PTPRR: variants seen among roughly 807,000 people sequenced by gnomAD.
PTPRR encodes the protein protein tyrosine phosphatase receptor type R.
A neutral mutation model predicts 77.2 loss-of-function variants in PTPRR; 38 were observed. That is an observed-to-expected ratio of 0.49 (90% CI 0.38 to 0.65). PTPRR has a LOEUF of 0.65. Among genes scored for constraint, PTPRR ranks in the 30% least tolerant of loss-of-function variants. PTPRR has a pLI of 0.00. For synonymous variants in PTPRR, 299 were observed against 283.1 expected (o/e 1.06, Z -0.57); for missense variants, 744 against 799.2 (o/e 0.93, Z 0.83).
chr12:70,754,284 C>T lies in PTPRR; in HGVS notation c.645G>A (p.Gly215=), dbSNP rs770392435. 5.0e-6 allele frequency: 8 copies of T among 1,613,450 alleles called. No individual in the cohort carries two copies. The highest frequency in any genetic ancestry group is 2.2e-5 in the South Asian group (2 of 91,046). Residue 215 remains glycine (G), a synonymous_variant, in exon 5 of 14, where the codon GGG becomes GGA. Coordinates refer to ENST00000283228, the MANE Select transcript of PTPRR (RefSeq NM_002849.4). ...TCCAGATTTTGTCCGCTTCATGCTG[C>T]CCTTGTAAAACATTTTTCTTTAAAA... ...EVSPEKNVLQ[G]QHEADKIWSK...
At chr12:70,855,728 G>C (rs1892639989) in intron 2 of PTPRR, among the ~76,000 whole-genome samples, 1 of 152,178 alleles carries the variant, frequency 6.6e-6, no homozygotes, top group African/African-American at 2.4e-5. Context: ...TGTGAAAACT[G>C]TTCAGAAACT....
chr12:70,683,355 T>C (rs890454674), intron 10 of PTPRR, among the ~76,000 whole-genome samples: 1 of 152,164 alleles, frequency 6.6e-6, no homozygotes, highest in African/African-American at 2.4e-5. Context: ...CAATTGTATT[T>C]TTATAATGCA....
chr12:70,740,613 C>T (rs1293813881), intron 6 of PTPRR, among the ~76,000 whole-genome samples: 1 of 151,916 alleles, frequency 6.6e-6, no homozygotes, highest in Non-Finnish European at 1.5e-5. Flanking sequence ...GTTAAGCAAT[C>T]CATTTAGTCT....
chr12:70,866,574 T>G (rs1161988762), intron 2 of PTPRR, among the ~76,000 whole-genome samples: 4 of 152,122 alleles, frequency 2.6e-5, no homozygotes, highest in African/African-American at 7.2e-5. Flanking sequence ...CAGGACCAGA[T>G]GGATTCACAG....
intron 2 of PTPRR, among the ~76,000 whole-genome samples, chr12:70,820,366 G>A (rs1398288565): frequency 6.6e-6 from 1 of 152,100 alleles, no homozygotes; most frequent in East Asian, 1.9e-4. Flanking sequence ...GTCTCACTCT[G>A]TCGCCCAGGC....
At chr12:70,820,277 C>G (rs2137039348) in intron 2 of PTPRR, among the ~76,000 whole-genome samples, 1 of 152,276 alleles carries the variant, frequency 6.6e-6, no homozygotes, top group East Asian at 1.9e-4. Context: ...TGATTCCTAA[C>G]AGAGACTCTC....
At chr12:70,912,430 G>GTCTTC (rs1017637442) in intron 1 of PTPRR, among the ~76,000 whole-genome samples, 1 of 152,086 alleles carries the variant, frequency 6.6e-6, no homozygotes, top group Non-Finnish European at 1.5e-5. Flanking sequence ...CCTGAGGCCA[G>GTCTTC]TCTTCTCATT....
At chr12:70,842,772 C>T (rs1284204638) in intron 2 of PTPRR, among the ~76,000 whole-genome samples, 1 of 152,200 alleles carries the variant, frequency 6.6e-6, no homozygotes, top group Non-Finnish European at 1.5e-5. Flanking sequence ...AAAGATTCAT[C>T]TTCCAAAATA....
At chr12:70,696,771 A>T (rs923916832) in intron 8 of PTPRR, among the ~76,000 whole-genome samples, 2 of 152,120 alleles carry the variant, frequency 1.3e-5, no homozygotes, top group African/African-American at 4.8e-5. Context: ...GTCATTCTCC[A>T]TATCCCCTAA....
chr12:70,749,293 C>G (rs1213388926), intron 5 of PTPRR, among the ~76,000 whole-genome samples: 1 of 152,094 alleles, frequency 6.6e-6, no homozygotes, highest in African/African-American at 2.4e-5. Flanking sequence ...CTCTGCCACC[C>G]CCATATCCAC....
At chr12:70,899,254 A>T (rs935941594) in intron 1 of PTPRR, among the ~76,000 whole-genome samples, 13 of 151,444 alleles carry the variant, frequency 8.6e-5, no homozygotes, top group Non-Finnish European at 3.0e-5. Flanking sequence ...AAAAGCAGAT[A>T]GAGACAATCC....
At chr12:70,669,502 GAGCTATATATATATATA>G (rs1476926326) in intron 10 of PTPRR, among the ~76,000 whole-genome samples, 14 of 122,638 alleles carry the variant, frequency 1.1e-4, no homozygotes, top group South Asian at 2.7e-4. Context: ...ATATATATAC[GAGCTATATATATATATA>G]AGCTATATAT....
At chr12:70,870,811 A>G (rs957445472) in intron 2 of PTPRR, among the ~76,000 whole-genome samples, 4 of 152,234 alleles carry the variant, frequency 2.6e-5, no homozygotes, top group Admixed American at 6.5e-5. Context: ...GATGCACAGT[A>G]ACATTTTGAC....
intron 2 of PTPRR, among the ~76,000 whole-genome samples, chr12:70,861,304 G>A (rs942139944): frequency 2.6e-5 from 4 of 152,082 alleles, no homozygotes; most frequent in Non-Finnish European, 5.9e-5. Flanking sequence ...ATCTGTTAAT[G>A]TAATGGTTAA....
At chr12:70,773,110 G>A (rs919394190) in intron 2 of PTPRR, among the ~76,000 whole-genome samples, 7 of 152,022 alleles carry the variant, frequency 4.6e-5, no homozygotes, top group South Asian at 2.1e-4. Flanking sequence ...GTGTCTTCAC[G>A]TCTTCCCTCT....
At chr12:70,844,714 G>C (rs185575227) in intron 2 of PTPRR, among the ~76,000 whole-genome samples, 3 of 152,134 alleles carry the variant, frequency 2.0e-5, no homozygotes, top group Admixed American at 2.0e-4. Flanking sequence ...TGAATTTAAG[G>C]TTCATCATTT....
chr12:70,713,003 C>G (rs1287403039), intron 6 of PTPRR, among the ~76,000 whole-genome samples: 1 of 152,084 alleles, frequency 6.6e-6, no homozygotes, highest in Non-Finnish European at 1.5e-5. Flanking sequence ...TTTCCTCACT[C>G]CCCCCAAAAA....
In PTPRR at chr12:70,718,272, T is replaced by G. The variant is rs553437316; in HGVS notation, c.1008-16949A>C. Among the ~76,000 whole-genome samples the G allele has an allele frequency of 2.6e-5, 4 of 152,270 alleles. No homozygotes were observed. In the South Asian group the frequency reaches 8.3e-4, roughly 32 times the overall value. ...ATAAATACCTCATGGTCCACTGTTT[T>G]TTTTTTTTCTTGAGATGGAGTCTTG... On this transcript the variant is annotated intron_variant, in intron 6 of 13. Coordinates refer to ENST00000283228, the MANE Select transcript of PTPRR (RefSeq NM_002849.4).
At chr12:70,834,133 T>C (rs899618724) in intron 2 of PTPRR, among the ~76,000 whole-genome samples, 5 of 152,210 alleles carry the variant, frequency 3.3e-5, no homozygotes, top group African/African-American at 1.2e-4. Flanking sequence ...ATGGGACACA[T>C]AGTACCTTTA....
Sources: gnomAD v4.1 joint callset for allele counts (sites outside exome capture counted in the v4.1 genomes callset) on GRCh38, gnomAD v4.1.1 for gene constraint, MANE v1.5 for transcripts, NCBI Gene and HGNC (gene_info 2026-07-23, HGNC 2026-07-21) for gene names.